The following ARHGAP26 variants were observed in gnomAD, a reference collection of about 807,000 sequenced individuals.
The protein encoded by ARHGAP26 is rho GTPase-activating protein 26.
A neutral mutation model predicts 104.8 loss-of-function variants in ARHGAP26; 38 were observed. The ratio of observed to expected loss-of-function variants is 0.36; its 90% confidence interval spans 0.28 to 0.48. The LOEUF is 0.48. ARHGAP26 is among the 20% of genes least tolerant of loss of function. The pLI, the probability that ARHGAP26 is intolerant of heterozygous loss-of-function variation, is 0.99. For missense variants in ARHGAP26, 704 were observed against 947.9 expected (o/e 0.74, Z 3.38); for synonymous variants, 341 against 340.0 (o/e 1.00, Z -0.03).
In ARHGAP26 at chr5:143,227,859, A is replaced by G. The variant is rs78049623; in HGVS notation, c.*5413A>G. The G allele has an allele frequency of 1.6e-5, 3 of 190,644 alleles. No individual in the cohort carries two copies. The highest frequency in any genetic ancestry group is 2.5e-5 in the African/African-American group (1 of 40,224). 11.8% of individuals were successfully genotyped at this position (190,644 alleles called of 1,614,324 possible). ...GATAAATATTATGCTTACTGAGGAG[A>G]AAAAAAAAAGCGATCACAGAAAAAT... On this transcript the variant is annotated 3_prime_UTR_variant, in exon 23 of 23. Coordinates refer to ENST00000645722, the MANE Select transcript of ARHGAP26 (RefSeq NM_001135608.3).
chr5:143,084,103 T>C (rs17707291), intron 17 of ARHGAP26, among the ~76,000 whole-genome samples: 14,214 of 152,202 alleles, frequency 0.093, 1,246 homozygotes, highest in East Asian at 0.3. Context: ...AAAACTATAA[T>C]TGAGTGGGAA....
intron 12 of ARHGAP26, among the ~76,000 whole-genome samples, chr5:143,019,826 G>A (rs1011243176): frequency 6.6e-6 from 1 of 152,202 alleles, no homozygotes; most frequent in Non-Finnish European, 1.5e-5. Flanking sequence ...CTGCTTGAAG[G>A]CTGAAGTCTG....
intron 20 of ARHGAP26, chr5:143,192,567 A>G (rs1328568930): frequency 6.6e-6 from 1 of 152,232 alleles, no homozygotes; most frequent in Non-Finnish European, 1.5e-5. Flanking sequence ...GCAATGTCTA[A>G]ACTATTTACT....
At chr5:143,106,721 C>G (rs760349370) in intron 17 of ARHGAP26, among the ~76,000 whole-genome samples, 4 of 152,170 alleles carry the variant, frequency 2.6e-5, no homozygotes, top group Non-Finnish European at 5.9e-5. Flanking sequence ...GATCCACCCA[C>G]CTCGGCCTTC....
rs1222849216 is a variant in ARHGAP26 at position 142,949,204 on chromosome 5, A to AGGAGAGAG, written c.1107+17080_1107+17081insGAGAGAGG. 1.3e-3 allele frequency among the ~76,000 whole-genome samples: 52 copies of AGGAGAGAG among 40,568 alleles called. 4 individuals are homozygous for AGGAGAGAG. In the East Asian group the frequency reaches 0.026, roughly 21 times the overall value. 26.6% of individuals were successfully genotyped at this position (40,568 alleles called of 152,430 possible). On this transcript the variant is annotated intron_variant, in intron 11 of 22. Coordinates refer to ENST00000645722, the MANE Select transcript of ARHGAP26 (RefSeq NM_001135608.3). ...GAGAGAGAGAGAGAGAGAGAGAGAG[A>AGGAGAGAG]GAGAGAGAGAGAGAGAGGAGAGAGA...
chr5:142,947,501 A>G (rs1767334442), intron 11 of ARHGAP26, among the ~76,000 whole-genome samples: 1 of 152,056 alleles, frequency 6.6e-6, no homozygotes, highest in Admixed American at 6.6e-5. Flanking sequence ...CCTAGTTCTT[A>G]CCTCTGTGTG....
chr5:142,972,585 T>G (rs889957418), intron 11 of ARHGAP26, among the ~76,000 whole-genome samples: 4 of 152,208 alleles, frequency 2.6e-5, no homozygotes, highest in Admixed American at 2.0e-4. Context: ...GATACATATA[T>G]GTAGTAAAGC....
chr5:143,212,848 T>A lies in ARHGAP26; in HGVS notation c.2100-1149T>A, dbSNP rs371877054. On this transcript the variant is annotated intron_variant, in intron 21 of 22. Transcript: ENST00000645722. ...GTTGGAATTACTTGGAGAGCTTTTT[T>A]AAAATACTGATGCCTGGCCGGGCGC... Among the ~76,000 whole-genome samples, 16 of 152,234 alleles carry A rather than the reference T, an allele frequency of 1.1e-4. 1 individual carries two copies. The East Asian group carries it at 2.7e-3, about 26-fold the overall frequency.
In ARHGAP26 at chr5:142,897,786, T is replaced by G. The variant is rs866739479; in HGVS notation, c.597+3438T>G. Among the ~76,000 whole-genome samples the G allele has an allele frequency of 2.0e-4, 31 of 152,316 alleles. No homozygotes were observed. The South Asian group carries it at 3.7e-3, about 18-fold the overall frequency. ...TATCCCAATTTTCAGATGAAGAAAT[T>G]GAAACAAATAAGTTTCTTTACCTGT... On this transcript the variant is annotated intron_variant, in intron 6 of 22. Coordinates refer to ENST00000645722, the MANE Select transcript of ARHGAP26 (RefSeq NM_001135608.3).
intron 9 of ARHGAP26, 63 bp from the exon 10 acceptor site, chr5:142,913,136 T>C: frequency 7.5e-7 from 1 of 1,329,884 alleles, no homozygotes. Flanking sequence ...ATGTCATGTA[T>C]GTCCTGGGAG....
chr5:143,052,642 A>G (rs574804967), intron 14 of ARHGAP26, among the ~76,000 whole-genome samples: 234 of 152,264 alleles, frequency 1.5e-3, no homozygotes, highest in African/African-American at 5.5e-3. Context: ...ATAACCCAGT[A>G]TGTGTCAGGG....
intron 11 of ARHGAP26, among the ~76,000 whole-genome samples, chr5:143,006,561 G>A (rs762070526): frequency 4.6e-5 from 7 of 152,136 alleles, no homozygotes; most frequent in Admixed American, 1.3e-4. Context: ...AACAGTGGTA[G>A]CAGTGGAAAG....
intron 21 of ARHGAP26, among the ~76,000 whole-genome samples, chr5:143,210,044 A>G (rs1326855236): frequency 6.6e-6 from 1 of 152,218 alleles, no homozygotes; most frequent in Admixed American, 6.5e-5. Context: ...AATTAGATCT[A>G]ATCAGTGGTC....
intron 17 of ARHGAP26, among the ~76,000 whole-genome samples, chr5:143,096,232 A>G (rs1792286217): frequency 6.6e-6 from 1 of 152,244 alleles, no homozygotes; most frequent in Non-Finnish European, 1.5e-5. Flanking sequence ...ATTACATCAT[A>G]TAACATCAAA....
chr5:142,856,478 C>A (rs1174429702), intron 1 of ARHGAP26, among the ~76,000 whole-genome samples: 1 of 152,296 alleles, frequency 6.6e-6, no homozygotes, highest in South Asian at 2.1e-4. Context: ...TGTGGCAGAA[C>A]CCCTAGGTTT....
chr5:142,954,555 A>AC (rs1188885453), intron 11 of ARHGAP26, among the ~76,000 whole-genome samples: 1 of 150,970 alleles, frequency 6.6e-6, no homozygotes, highest in African/African-American at 2.4e-5. Flanking sequence ...GTTAGTCCAC[A>AC]CTCCCTGGCT....
intron 11 of ARHGAP26, chr5:142,947,095 TAAAAAAAAAAAA>T (rs1162871899): frequency 1.4e-5 from 1 of 70,684 alleles, no homozygotes; most frequent in Non-Finnish European, 2.7e-5. Flanking sequence ...TTTTTAAAAG[TAAAAAAAAAAAA>T]AAAAAAAAAA....
intron 14 of ARHGAP26, among the ~76,000 whole-genome samples, chr5:143,045,833 A>G (rs1308966858): frequency 6.6e-6 from 1 of 152,152 alleles, no homozygotes; most frequent in Non-Finnish European, 1.5e-5. Context: ...CCCCATCTCT[A>G]CTGAAAATAC....
chr5:142,876,869 C>G (rs1202241508), intron 3 of ARHGAP26, among the ~76,000 whole-genome samples: 1 of 150,162 alleles, frequency 6.7e-6, no homozygotes, highest in Non-Finnish European at 1.5e-5. Context: ...AGACCACTTT[C>G]TCTTGATTGC....
Sources: allele counts gnomAD v4.1 joint callset (sites outside exome capture counted in the v4.1 genomes callset), GRCh38; gene constraint gnomAD v4.1.1; transcripts MANE v1.5; gene names NCBI Gene and HGNC (gene_info 2026-07-23, HGNC 2026-07-21).